The following NR6A1 variants were observed in gnomAD, a reference collection of about 807,000 sequenced individuals.
The protein encoded by NR6A1 is retinoic acid receptor-related testis-associated receptor.
Under a neutral mutation model 59.1 loss-of-function variants are expected in NR6A1, and 7 were observed. The observed-to-expected ratio is 0.12, with a 90% CI of 0.07 to 0.22. The LOEUF is 0.22. Among genes scored for constraint, NR6A1 ranks in the 10% least tolerant of loss-of-function variants. NR6A1 has a pLI of 1.00. For synonymous variants in NR6A1, 243 were observed against 236.1 expected (o/e 1.03, Z -0.27); for missense variants, 468 against 611.6 (o/e 0.77, Z 2.48).
chr9:124,586,445 A>AT (rs111374183), intron 2 of NR6A1, among the ~76,000 whole-genome samples: 2,652 of 143,710 alleles, frequency 0.018, 63 homozygotes, highest in African/African-American at 0.059. Context: ...TTGCATGATA[A>AT]TTTTTTTTTT....
intron 2 of NR6A1, among the ~76,000 whole-genome samples, chr9:124,590,925 A>T (rs1401021990): frequency 6.6e-6 from 1 of 152,212 alleles, no homozygotes; most frequent in African/African-American, 2.4e-5. Flanking sequence ...ATTTTCTTCC[A>T]ATCAACAGAA....
At chr9:124,708,112 C>G (rs534945122) in intron 2 of NR6A1, among the ~76,000 whole-genome samples, 48 of 152,306 alleles carry the variant, frequency 3.2e-4, no homozygotes, top group Admixed American at 9.2e-4. Flanking sequence ...TGTTAAAGCC[C>G]TGGCTAGTCT....
chr9:124,740,491 G>A lies in NR6A1; in HGVS notation c.101-7142C>T, dbSNP rs1452833202. Among the ~76,000 whole-genome samples the A allele has an allele frequency of 5.3e-5, 8 of 152,268 alleles. No individual in the cohort carries two copies. In the East Asian group the frequency reaches 7.7e-4, roughly 15 times the overall value. On this transcript the variant is annotated intron_variant, in intron 1 of 9. Transcript: ENST00000487099. The stretch of plus-strand genomic sequence containing the variant: ...GAGATACAGTGACACAGGGCTTGTA[G>A]GACTAAGAAAGCCAAAGGTCAAAAT...
At chr9:124,734,405 T>C (rs1046748004) in intron 1 of NR6A1, among the ~76,000 whole-genome samples, 1 of 152,148 alleles carries the variant, frequency 6.6e-6, no homozygotes, top group Non-Finnish European at 1.5e-5. Context: ...AAATATCGGA[T>C]CTTGGTGCCG....
At chr9:124,646,554 T>C (rs1836935068) in intron 2 of NR6A1, among the ~76,000 whole-genome samples, 1 of 152,214 alleles carries the variant, frequency 6.6e-6, no homozygotes, top group South Asian at 2.1e-4. Flanking sequence ...TTTGATAACC[T>C]AGATCAGAGG....
chr9:124,667,669 C>A (rs1837665747), intron 2 of NR6A1, among the ~76,000 whole-genome samples: 1 of 152,100 alleles, frequency 6.6e-6, no homozygotes, highest in South Asian at 2.1e-4. Context: ...CCTACCACAG[C>A]CATCAAGAAG....
intron 3 of NR6A1, among the ~76,000 whole-genome samples, chr9:124,548,622 C>A (rs1028267242): frequency 6.6e-6 from 1 of 152,160 alleles, no homozygotes; most frequent in Non-Finnish European, 1.5e-5. Flanking sequence ...TTTCTCAGTG[C>A]TTCATGCAGA....
At chr9:124,705,726 C>T (rs1839108656) in intron 2 of NR6A1, among the ~76,000 whole-genome samples, 1 of 151,380 alleles carries the variant, frequency 6.6e-6, no homozygotes. Context: ...ACCTCTGCTT[C>T]TATTGTATCA....
intron 3 of NR6A1, 106 bp downstream of exon 3, chr9:124,554,222 G>A (rs1204538935): frequency 1.3e-6 from 2 of 1,537,748 alleles, no homozygotes; most frequent in Non-Finnish European, 1.8e-6. Flanking sequence ...CAAACTATAA[G>A]GCCTGATATG....
intron 2 of NR6A1, chr9:124,693,633 C>A: frequency 2.0e-6 from 1 of 500,038 alleles, no homozygotes; most frequent in Non-Finnish European, 4.1e-6. Flanking sequence ...GACACACAGA[C>A]TTCAAAGAAC....
chr9:124,681,057 C>A (rs1263546896), intron 2 of NR6A1, among the ~76,000 whole-genome samples: 1 of 152,146 alleles, frequency 6.6e-6, no homozygotes, highest in Non-Finnish European at 1.5e-5. Flanking sequence ...TCAATCTTGA[C>A]CCTGAGCAAA....
intron 2 of NR6A1, among the ~76,000 whole-genome samples, chr9:124,639,466 C>T (rs1191450198): frequency 6.6e-6 from 1 of 152,192 alleles, no homozygotes; most frequent in African/African-American, 2.4e-5. Flanking sequence ...CTAAATGAGG[C>T]TGGTTTACTT....
Position 124,647,724 on chromosome 9 carries a change from CAAAA to C in NR6A1, c.142+85580_142+85583del, listed in dbSNP as rs35591437. On this transcript the variant is annotated intron_variant, in intron 2 of 9. Coordinates refer to ENST00000487099, the MANE Select transcript of NR6A1 (RefSeq NM_033334.4). ...CCTGGGCAACAGAGTGAGACCGTCTCAAAAAAAAAAAAAAAAAGAAAGAAAGAAA... is the reference window on the plus strand; with the variant it reads ...CCTGGGCAACAGAGTGAGACCGTCTCAAAAAAAAAAAAAGAAAGAAAGAAA... 5.4e-4 allele frequency among the ~76,000 whole-genome samples: 30 copies of C among 56,066 alleles called. No individual in the cohort carries two copies. In the Admixed American group the frequency reaches 5.6e-3, roughly 11 times the overall value. The allele number at this position is 56,066 out of a possible 152,430, so 36.8% of individuals were successfully genotyped here.
chr9:124,745,523 T>C (rs1840303524), intron 1 of NR6A1, among the ~76,000 whole-genome samples: 1 of 149,978 alleles, frequency 6.7e-6, no homozygotes, highest in Admixed American at 6.7e-5. Context: ...AATACAAAAT[T>C]AGCCGGGCAT....
intron 5 of NR6A1, 105 bp from the exon 6 acceptor site, chr9:124,538,424 T>C: frequency 1.3e-6 from 1 of 782,396 alleles, no homozygotes; most frequent in Non-Finnish European, 2.1e-6. Flanking sequence ...ACATGAGGTA[T>C]GTGTCTTCAT....
At chr9:124,581,178 T>G (rs1478613854) in intron 2 of NR6A1, among the ~76,000 whole-genome samples, 1 of 152,052 alleles carries the variant, frequency 6.6e-6, no homozygotes, top group Non-Finnish European at 1.5e-5. Flanking sequence ...ACCTAGGCAA[T>G]ACCATCAGTA....
At chr9:124,761,684 A>G (rs536814745) in intron 1 of NR6A1, among the ~76,000 whole-genome samples, 2 of 152,356 alleles carry the variant, frequency 1.3e-5, no homozygotes, top group Admixed American at 6.5e-5. Context: ...TGTCTAAGGA[A>G]AGCAAATAAG....
rs1835363003 is a variant in NR6A1, at chr9:124,598,930, G to C, written c.143-44360C>G. On this transcript the variant is annotated intron_variant, in intron 2 of 9. Coordinates refer to ENST00000487099, the MANE Select transcript of NR6A1 (RefSeq NM_033334.4). ...GCAGCTCTGGCTTGGGGCACTCGTC[G>C]TTCCAGACTCAGGCATGGTCATTAC... The C allele has an allele frequency of 8.6e-6, 6 of 701,728 alleles. No homozygotes were observed. In the Admixed American group the frequency reaches 1.2e-4, roughly 14 times the overall value. 43.5% of individuals were successfully genotyped at this position (701,728 alleles called of 1,614,324 possible).
chr9:124,752,225 C>T (rs568052037), intron 1 of NR6A1, among the ~76,000 whole-genome samples: 6 of 152,192 alleles, frequency 3.9e-5, no homozygotes, highest in Admixed American at 6.5e-5. Flanking sequence ...GCCAAGATCA[C>T]GCCACTGCAC....
Sources: gnomAD v4.1 joint callset for allele counts (sites outside exome capture counted in the v4.1 genomes callset) on GRCh38, gnomAD v4.1.1 for gene constraint, MANE v1.5 for transcripts, NCBI Gene and HGNC (gene_info 2026-07-23, HGNC 2026-07-21) for gene names.